The following DNAJC12 variants were observed in gnomAD, a reference collection of about 807,000 sequenced individuals.
The protein encoded by DNAJC12 is DnaJ heat shock protein family (Hsp40) member C12.
Under a neutral mutation model 28.5 loss-of-function variants are expected in DNAJC12, and 25 were observed. The ratio of observed to expected loss-of-function variants is 0.88; its 90% confidence interval spans 0.64 to 1.22. The LOEUF (loss-of-function observed/expected upper bound fraction) is 1.22. Among genes scored for constraint, DNAJC12 ranks in the 50% most tolerant of loss-of-function variants. DNAJC12 has a pLI of 0.00. For missense variants in DNAJC12, 222 were observed against 231.7 expected (o/e 0.96, Z 0.27); for synonymous variants, 77 against 80.6 (o/e 0.95, Z 0.24).
At chr10:67,819,699 G>GAAAGAAAGAAAGAAAGAAAGAAAGA (rs1491448750) in intron 2 of DNAJC12, among the ~76,000 whole-genome samples, 19 of 24,634 alleles carry the variant, frequency 7.7e-4, no homozygotes, top group Non-Finnish European at 1.1e-3. Context: ...AGAAAGAAAG[G>GAAAGAAAGAAAGAAAGAAAGAAAGA]AAGGAAGGAA....
chr10:67,831,805 T>A (rs1842096154), intron 1 of DNAJC12, among the ~76,000 whole-genome samples: 1 of 152,192 alleles, frequency 6.6e-6, no homozygotes, highest in Admixed American at 6.5e-5. Flanking sequence ...CTTCTAGTAC[T>A]GGCCCAACAG....
At position 67,805,645 on chromosome 10, in the gene DNAJC12, G is replaced by A. The variant is rs200719110; in HGVS notation, c.440C>T (p.Thr147Met). ...TAGGGGCTTGGGTTCTTTCTGCTCC[G>A]TTTTCTCTGCGGTTGAAGCCAGCTC... ...KEELASTAEKTEQKEPKPLEK... is the reference protein window; with the variant it reads ...KEELASTAEKMEQKEPKPLEK... The change falls in exon 4 of 5, where the codon ACG becomes ATG. Residue 147 changes from threonine (T) to methionine (M), a missense_variant. Transcript: ENST00000225171. The A allele has an allele frequency of 2.9e-5, 46 of 1,613,224 alleles. No individual in the cohort carries two copies. Among genetic ancestry groups the A allele is most frequent in the Middle Eastern group, 3.3e-4 (2 of 6,062 alleles).
intron 4 of DNAJC12, among the ~76,000 whole-genome samples, chr10:67,799,810 G>C (rs930949375): frequency 5.3e-5 from 8 of 151,882 alleles, no homozygotes; most frequent in African/African-American, 1.9e-4. Context: ...TTGAACCCAG[G>C]AGGCGGAGGT....
chr10:67,800,671 C>A (rs1440581317), intron 4 of DNAJC12, among the ~76,000 whole-genome samples: 1 of 152,050 alleles, frequency 6.6e-6, no homozygotes, highest in Non-Finnish European at 1.5e-5. Flanking sequence ...CTTGGTGGGA[C>A]GCGGCGGCTC....
chr10:67,836,937 C>A (rs1842147398), intron 1 of DNAJC12, among the ~76,000 whole-genome samples: 1 of 148,540 alleles, frequency 6.7e-6, no homozygotes, highest in African/African-American at 2.5e-5. Flanking sequence ...ATAAATATAT[C>A]CTAATAACAT....
intron 1 of DNAJC12, among the ~76,000 whole-genome samples, chr10:67,825,987 T>C (rs1208861978): frequency 6.6e-6 from 1 of 152,294 alleles, no homozygotes; most frequent in South Asian, 2.1e-4. Flanking sequence ...GTAAGCATTT[T>C]TAAATTAGTA....
chr10:67,811,376 T>C, intron 3 of DNAJC12, 148 bp downstream of exon 3: 1 of 1,497,156 alleles, frequency 6.7e-7, no homozygotes, highest in East Asian at 2.3e-5. Flanking sequence ...CTTCATGGGA[T>C]TTACGGACAC....
chr10:67,827,050 G>T (rs1329534386), intron 1 of DNAJC12, among the ~76,000 whole-genome samples: 1 of 150,388 alleles, frequency 6.6e-6, no homozygotes, highest in Non-Finnish European at 1.5e-5. Flanking sequence ...AGTTTTGGGG[G>T]TTTATCGTTG....
intron 3 of DNAJC12, among the ~76,000 whole-genome samples, chr10:67,806,271 C>T: frequency 6.6e-6 from 1 of 152,158 alleles, no homozygotes; most frequent in Non-Finnish European, 1.5e-5. Context: ...ACCTCTATTA[C>T]CACAACTCAA....
chr10:67,829,425 G>A (rs1260439518), intron 1 of DNAJC12, among the ~76,000 whole-genome samples: 1 of 152,126 alleles, frequency 6.6e-6, no homozygotes, highest in African/African-American at 2.4e-5. Flanking sequence ...TGGATCACGA[G>A]GTCAAGAGAT....
chr10:67,810,103 T>TA (rs547705487), intron 3 of DNAJC12, among the ~76,000 whole-genome samples: 8 of 152,196 alleles, frequency 5.3e-5, no homozygotes, highest in African/African-American at 1.9e-4. Context: ...TCAGGAAACT[T>TA]ACAATCATGG....
At chr10:67,827,373 C>T (rs1842047256) in intron 1 of DNAJC12, among the ~76,000 whole-genome samples, 1 of 142,162 alleles carries the variant, frequency 7.0e-6, no homozygotes, top group Non-Finnish European at 1.5e-5. Context: ...GGTGGCAGAG[C>T]AGGGCTCTGT....
intron 1 of DNAJC12, among the ~76,000 whole-genome samples, chr10:67,831,629 T>G (rs1412472464): frequency 1.3e-5 from 2 of 152,242 alleles, no homozygotes; most frequent in African/African-American, 2.4e-5. Context: ...ATTCTTTCTT[T>G]AATTTCTGCT....
chr10:67,816,427 A>G, intron 2 of DNAJC12, among the ~76,000 whole-genome samples: 1 of 152,152 alleles, frequency 6.6e-6, no homozygotes. Flanking sequence ...ACATTAAAAG[A>G]TGTTAGTTAA....
At position 67,830,481 on chromosome 10, in the gene DNAJC12, G is replaced by T. The variant is rs530261345; in HGVS notation, c.79-7089C>A. On this transcript the variant is annotated intron_variant, in intron 1 of 4. Transcript: ENST00000225171. ...AAATTAGCTGGGCGTGGTGGCAGGC[G>T]CCTGTAATCACAGCTATTCAGGAGG... is the stretch of plus-strand genomic sequence containing the variant. Among the ~76,000 whole-genome samples, 13 of 150,946 alleles carry T rather than the reference G, an allele frequency of 8.6e-5. No individual in the cohort carries two copies. In the East Asian group the frequency reaches 2.3e-3, roughly 27 times the overall value.
chr10:67,799,017 A>G (rs994711820), intron 4 of DNAJC12, among the ~76,000 whole-genome samples: 1 of 151,978 alleles, frequency 6.6e-6, no homozygotes, highest in Non-Finnish European at 1.5e-5. Flanking sequence ...TGCCTGCCTC[A>G]GCCTCCCAAA....
intron 1 of DNAJC12, among the ~76,000 whole-genome samples, chr10:67,834,752 A>G (rs1246406457): frequency 6.6e-6 from 1 of 152,168 alleles, no homozygotes; most frequent in African/African-American, 2.4e-5. Flanking sequence ...ACTTGAACCC[A>G]GGAGGCTGCA....
rs185870917 is a variant in DNAJC12 at position 67,835,505 on chromosome 10, C to T, written c.78+2429G>A. ...AAGAGATGAAGACCATCCTGGCCAA[C>T]ACGGTGAAACCCCGTCTCTACTAAA... On this transcript the variant is annotated intron_variant, in intron 1 of 4. Transcript: ENST00000225171. Among the ~76,000 whole-genome samples, 203 of 152,186 alleles carry T rather than the reference C, an allele frequency of 1.3e-3. 3 individuals carry two copies. Among genetic ancestry groups the T allele is most frequent in the African/African-American group, 4.7e-3 (196 of 41,530 alleles).
intron 1 of DNAJC12, among the ~76,000 whole-genome samples, chr10:67,828,019 C>G (rs924597243): frequency 4.6e-5 from 7 of 152,096 alleles, no homozygotes; most frequent in Non-Finnish European, 7.3e-5. Context: ...GAGCTGACAC[C>G]CCCGATGTCA....
Sources: gnomAD v4.1 joint callset for allele counts (sites outside exome capture counted in the v4.1 genomes callset) on GRCh38, gnomAD v4.1.1 for gene constraint, MANE v1.5 for transcripts, NCBI Gene and HGNC (gene_info 2026-07-23, HGNC 2026-07-21) for gene names.